SPOCK1: variants seen among roughly 807,000 people sequenced by gnomAD.
SPOCK1 encodes the protein SPARC (osteonectin), cwcv and kazal like domains proteoglycan 1.
In SPOCK1, 23 loss-of-function variants were observed where a neutral mutation model predicts 55.3. The ratio of observed to expected loss-of-function variants is 0.42; its 90% CI spans 0.30 to 0.59. The LOEUF (loss-of-function observed/expected upper bound fraction) is 0.59, where lower values mean the gene tolerates loss of function less well. Ranked by LOEUF, SPOCK1 falls within the 20% of genes least tolerant of loss-of-function variation. The pLI is 0.22. For synonymous variants in SPOCK1, 226 were observed against 221.0 expected, an observed-to-expected ratio of 1.02 and a Z score of -0.20; for missense variants, 499 against 552.5, an observed-to-expected ratio of 0.90 and a Z score of 0.97.
intron 3 of SPOCK1, among the ~76,000 whole-genome samples, chr5:137,242,331 G>A (rs1756298752): frequency 6.6e-6 from 1 of 152,190 alleles, no homozygotes; most frequent in African/African-American, 2.4e-5. Flanking sequence ...CTGTTCTCAT[G>A]ATGGTGAATA....
intron 4 of SPOCK1, among the ~76,000 whole-genome samples, chr5:137,114,396 A>T (rs1753538983): frequency 1.3e-5 from 2 of 152,116 alleles, no homozygotes; most frequent in Non-Finnish European, 2.9e-5. Flanking sequence ...CCCAACCTAG[A>T]TTACCAGCTT....
At chr5:137,173,259 A>G (rs1341159227) in intron 3 of SPOCK1, among the ~76,000 whole-genome samples, 1 of 152,144 alleles carries the variant, frequency 6.6e-6, no homozygotes, top group Admixed American at 6.5e-5. Context: ...AATTCACTAC[A>G]GCCAAGAAGG....
Position 137,034,795 on chromosome 5 carries a change from G to A in SPOCK1, c.589+32920C>T, listed in dbSNP as rs116402685. ...TGATGACAGATCCACAGTTGAGAAA[G>A]GGCACTAGGATGTGGCACTGGGGCC... is the stretch of plus-strand genomic sequence containing the variant. On this transcript the variant is annotated intron_variant, in intron 6 of 10. Transcript: ENST00000394945. Among the ~76,000 whole-genome samples the A allele has an allele frequency of 9.5e-3, 1,441 of 152,304 alleles. 5 individuals are homozygous for A. Among genetic ancestry groups the A allele is most frequent in the Middle Eastern group, 0.065 (19 of 294 alleles).
chr5:136,999,621 G>C (rs190069026), intron 6 of SPOCK1, among the ~76,000 whole-genome samples: 8 of 152,098 alleles, frequency 5.3e-5, no homozygotes, highest in Non-Finnish European at 1.2e-4. Context: ...CTGAGGATTT[G>C]ACAAAAACGG....
chr5:137,074,389 T>C (rs1208331947), intron 5 of SPOCK1, among the ~76,000 whole-genome samples: 1 of 152,204 alleles, frequency 6.6e-6, no homozygotes, highest in African/African-American at 2.4e-5. Context: ...AGAACACCCC[T>C]TTTCTTAGGG....
chr5:137,052,447 C>T (rs1409002549), intron 6 of SPOCK1, among the ~76,000 whole-genome samples: 1 of 152,192 alleles, frequency 6.6e-6, no homozygotes, highest in East Asian at 1.9e-4. Context: ...ACTTGTGGCA[C>T]ATCTTTTCTG....
intron 2 of SPOCK1, among the ~76,000 whole-genome samples, chr5:137,472,336 G>A (rs1038274852): frequency 2.5e-4 from 38 of 150,338 alleles, no homozygotes; most frequent in Admixed American, 8.6e-4. Context: ...ATTCTGCCAG[G>A]AAAAAGGGGG....
At chr5:137,399,155 C>T (rs536848079) in intron 2 of SPOCK1, among the ~76,000 whole-genome samples, 3 of 152,272 alleles carry the variant, frequency 2.0e-5, no homozygotes, top group East Asian at 1.9e-4. Flanking sequence ...GCCTATGTAG[C>T]GTGCCAAAAG....
At chr5:137,113,972 G>C (rs978882827) in intron 4 of SPOCK1, among the ~76,000 whole-genome samples, 1 of 152,168 alleles carries the variant, frequency 6.6e-6, no homozygotes, top group Non-Finnish European at 1.5e-5. Context: ...GATGCATAAA[G>C]CCAAGAGGAC....
chr5:137,449,912 A>AAAAAAAAAAAAAAAG (rs1561538924), intron 2 of SPOCK1, among the ~76,000 whole-genome samples: 1 of 142,008 alleles, frequency 7.0e-6, no homozygotes. Context: ...AAAAAAAAAA[A>AAAAAAAAAAAAAAAG]AAAAAGAAAG....
intron 2 of SPOCK1, among the ~76,000 whole-genome samples, chr5:137,433,045 G>C: frequency 6.6e-6 from 1 of 152,188 alleles, no homozygotes; most frequent in South Asian, 2.1e-4. Flanking sequence ...CCTGTGGAAG[G>C]CAAAAAGATG....
chr5:137,263,543 C>T (rs905313850), intron 3 of SPOCK1, among the ~76,000 whole-genome samples: 3 of 152,218 alleles, frequency 2.0e-5, no homozygotes, highest in Non-Finnish European at 4.4e-5. Flanking sequence ...CCTGACTATG[C>T]AAGATAAGAA....
chr5:137,303,081 G>A lies in SPOCK1; in HGVS notation c.187-36026C>T, dbSNP rs540371988. 2.0e-5 allele frequency among the ~76,000 whole-genome samples: 3 copies of A among 152,246 alleles called. No homozygotes were observed. The East Asian group carries it at 5.8e-4, about 29-fold the overall frequency. ...CTAGTGAGGAGTGCAAACTGAATTG[G>A]AAGAATCACGGGACTCTGATTTTAA... On this transcript the variant is annotated intron_variant, in intron 2 of 10. Transcript: ENST00000394945.
At chr5:137,054,368 A>T (rs1752264685) in intron 6 of SPOCK1, among the ~76,000 whole-genome samples, 1 of 152,230 alleles carries the variant, frequency 6.6e-6, no homozygotes, top group Non-Finnish European at 1.5e-5. Flanking sequence ...CTTATCATAT[A>T]TAATTGAAGG....
intron 3 of SPOCK1, among the ~76,000 whole-genome samples, chr5:137,226,643 A>G (rs2916625): frequency 0.012 from 1,870 of 151,882 alleles, 36 homozygotes; most frequent in African/African-American, 0.042. Flanking sequence ...CTCTGGTCTC[A>G]CTCTCTACAC....
At chr5:137,012,227 C>A (rs1751364608) in intron 6 of SPOCK1, among the ~76,000 whole-genome samples, 1 of 152,116 alleles carries the variant, frequency 6.6e-6, no homozygotes, top group Non-Finnish European at 1.5e-5. Flanking sequence ...AGTCAAGGAG[C>A]TAATAAGTGG....
intron 2 of SPOCK1, among the ~76,000 whole-genome samples, chr5:137,326,997 AAAAC>A (rs141419475): frequency 0.16 from 24,405 of 152,054 alleles, 2,255 homozygotes; most frequent in East Asian, 0.26. Flanking sequence ...CTTAAATTCT[AAAAC>A]AAACAAACAA....
At chr5:137,495,931 T>C (rs1663620671) in intron 2 of SPOCK1, among the ~76,000 whole-genome samples, 1 of 152,244 alleles carries the variant, frequency 6.6e-6, no homozygotes, top group Non-Finnish European at 1.5e-5. Context: ...TGGGATTTTT[T>C]TGAACATTTT....
intron 5 of SPOCK1, among the ~76,000 whole-genome samples, chr5:137,095,279 A>G (rs1409574056): frequency 6.6e-6 from 1 of 152,346 alleles, no homozygotes; most frequent in East Asian, 1.9e-4. Flanking sequence ...GTGAGCACCC[A>G]TTGTTGAAAA....
Sources: allele counts gnomAD v4.1 joint callset (sites outside exome capture counted in the v4.1 genomes callset), GRCh38; gene constraint gnomAD v4.1.1; transcripts MANE v1.5; gene names NCBI Gene and HGNC (gene_info 2026-07-23, HGNC 2026-07-21).